The following ARFGEF1 variants were observed in gnomAD, a reference collection of about 807,000 sequenced individuals.
ARFGEF1 encodes ARF guanine nucleotide exchange factor 1.
Under a neutral mutation model 231.0 loss-of-function variants are expected in ARFGEF1, and 42 were observed. The observed-to-expected ratio is 0.18, with a 90% CI of 0.14 to 0.24. The LOEUF is 0.24. ARFGEF1 is among the 10% of genes least tolerant of loss of function. ARFGEF1 has a pLI of 1.00. For synonymous variants in ARFGEF1, 710 were observed against 732.3 expected, an observed-to-expected ratio of 0.97 and a Z score of 0.49; for missense variants, 1,345 against 2,192.0, an observed-to-expected ratio of 0.61 and a Z score of 7.72.
chr8:67,268,777 GA>G (rs1457360487), intron 10 of ARFGEF1, among the ~76,000 whole-genome samples: 1 of 152,124 alleles, frequency 6.6e-6, no homozygotes, highest in Non-Finnish European at 1.5e-5. Context: ...TATTGTCTTT[GA>G]AATACATAGT....
Position 67,227,296 on chromosome 8 carries a change from G to T in ARFGEF1, c.3757C>A (p.Arg1253=). The change falls in exon 27 of 39, where the codon CGA becomes AGA. Residue 1253 remains arginine (R), a synonymous_variant. Transcript: ENST00000262215. ...IMKRNRSPTI[R]DMVVRCIAQM... ...GCTATACACCGTACAACCATATCTCGAATTGTTGGAGACCTAAAAATATTA... is the reference window on the plus strand; with the variant it reads ...GCTATACACCGTACAACCATATCTCTAATTGTTGGAGACCTAAAAATATTA... The T allele has an allele frequency of 6.2e-7, 1 of 1,611,226 alleles. No individual in the cohort carries two copies. The highest frequency in any genetic ancestry group is 8.5e-7 in the Non-Finnish European group (1 of 1,178,286).
intron 33 of ARFGEF1, 98 bp from the exon 34 acceptor site, chr8:67,211,713 CT>C: frequency 1.5e-6 from 1 of 669,158 alleles, no homozygotes; most frequent in Non-Finnish European, 2.2e-6. Flanking sequence ...TATTATGTCC[CT>C]ATGAAAATGA....
rs1230397105 is a variant in ARFGEF1, at chr8:67,304,549, G to A, written c.125-2083C>T. ...TCACTTGAAAATATATGTGTGGGCTGGGCGCAGTGGCTCACACCTATAATC... is the reference window on the plus strand; with the variant it reads ...TCACTTGAAAATATATGTGTGGGCTAGGCGCAGTGGCTCACACCTATAATC... On this transcript the variant is annotated intron_variant, in intron 1 of 38. Coordinates refer to ENST00000262215, the MANE Select transcript of ARFGEF1 (RefSeq NM_006421.5). 2.0e-5 allele frequency among the ~76,000 whole-genome samples: 3 copies of A among 152,222 alleles called. No individual in the cohort carries two copies. The East Asian group carries it at 5.8e-4, about 29-fold the overall frequency.
chr8:67,220,692 C>T (rs922226412), intron 29 of ARFGEF1, among the ~76,000 whole-genome samples: 17 of 152,148 alleles, frequency 1.1e-4, no homozygotes, highest in African/African-American at 4.1e-4. Flanking sequence ...CCATAGTTCC[C>T]TCCTTGCAAT....
chr8:67,222,342 T>G (rs560445292), intron 29 of ARFGEF1, among the ~76,000 whole-genome samples: 2 of 150,842 alleles, frequency 1.3e-5, no homozygotes, highest in East Asian at 3.9e-4. Context: ...CTTGGCTCAC[T>G]GCAACCTCCG....
intron 32 of ARFGEF1, among the ~76,000 whole-genome samples, chr8:67,217,133 C>A (rs560282299): frequency 6.6e-6 from 1 of 151,830 alleles, no homozygotes; most frequent in Non-Finnish European, 1.5e-5. Context: ...GGAGAAACCC[C>A]ATCTCAACTA....
chr8:67,261,774 G>T (rs1481991627), intron 14 of ARFGEF1, among the ~76,000 whole-genome samples: 1 of 151,632 alleles, frequency 6.6e-6, no homozygotes, highest in Non-Finnish European at 1.5e-5. Context: ...CCAAAGCTGG[G>T]ATTACAGGCA....
In ARFGEF1 at chr8:67,204,751, T is replaced by C. The variant is rs1321046312; in HGVS notation, c.4888A>G (p.Thr1630Ala). ...GGGAAGAAGACAATGTTGTCGATAG[T>C]CTGGATGAGTTCCAGCTGCACAACA... is the stretch of plus-strand genomic sequence containing the variant. ...KCVVQLELIQ[T>A]IDNIVFFPAT... Residue 1630 changes from threonine to alanine, a missense_variant, in exon 35 of 39, where the codon ACT becomes GCT. Transcript: ENST00000262215. The C allele has an allele frequency of 1.2e-6, 2 of 1,613,942 alleles. No homozygotes were observed. The highest frequency in any genetic ancestry group is 2.2e-5 in the East Asian group (1 of 44,898).
chr8:67,255,785 G>A (rs982054085), intron 17 of ARFGEF1, among the ~76,000 whole-genome samples: 9 of 152,202 alleles, frequency 5.9e-5, no homozygotes, highest in African/African-American at 1.7e-4. Flanking sequence ...AGTTGCCACC[G>A]CTAGACTAGG....
downstream of ARFGEF1, chr8:67,175,228 T>G: frequency 8.5e-7 from 1 of 1,174,818 alleles, no homozygotes; most frequent in Non-Finnish European, 1.2e-6. Context: ...TTACTTACAG[T>G]GAAGTTTTAC....
At chr8:67,333,392 G>A (rs1220841016) in intron 1 of ARFGEF1, among the ~76,000 whole-genome samples, 1 of 151,324 alleles carries the variant, frequency 6.6e-6, no homozygotes, top group Non-Finnish European at 1.5e-5. Context: ...TCCAGTGGTG[G>A]GATCACAGCT....
At chr8:67,190,748 GGACTA>G in intron 5 of ARFGEF1, 1 of 1,608,802 alleles carries the variant, frequency 6.2e-7, no homozygotes, top group East Asian at 2.2e-5. Flanking sequence ...CAAATGGAAA[GGACTA>G]GACATTGTAT....
chr8:67,243,698 C>T (rs1222588810), intron 19 of ARFGEF1, among the ~76,000 whole-genome samples: 2 of 152,096 alleles, frequency 1.3e-5, no homozygotes, highest in East Asian at 1.9e-4. Context: ...TACTCAAAGC[C>T]CAGACATCAA....
intron 33 of ARFGEF1, among the ~76,000 whole-genome samples, chr8:67,214,040 G>C (rs1242968088): frequency 6.6e-6 from 1 of 152,204 alleles, no homozygotes; most frequent in Non-Finnish European, 1.5e-5. Context: ...GAAGAGTTCT[G>C]AGACACATGA....
At chr8:67,195,497 A>G (rs774627165), downstream of ARFGEF1, 1 of 1,614,198 alleles carries the variant, frequency 6.2e-7, no homozygotes, top group East Asian at 2.2e-5. Flanking sequence ...AAACGCTGAA[A>G]CGTTTCATGG....
Position 67,260,521 on chromosome 8 carries a change from G to A in ARFGEF1, c.2124-595C>T, listed in dbSNP as rs150431172. Among the ~76,000 whole-genome samples the A allele has an allele frequency of 4.9e-3, 752 of 152,170 alleles. 5 individuals are homozygous for A. Among genetic ancestry groups the A allele is most frequent in the Non-Finnish European group, 7.8e-3 (531 of 68,000 alleles). ...TGATGTTGCTATTGTAATTGTTTTGGGGTGACACAAACCACGTCCATATAA... is the reference window on the plus strand; with the variant it reads ...TGATGTTGCTATTGTAATTGTTTTGAGGTGACACAAACCACGTCCATATAA... On this transcript the variant is annotated intron_variant, in intron 14 of 38. Coordinates refer to ENST00000262215, the MANE Select transcript of ARFGEF1 (RefSeq NM_006421.5).
intron 30 of ARFGEF1, among the ~76,000 whole-genome samples, chr8:67,218,536 G>T (rs1839037169): frequency 6.6e-6 from 1 of 151,858 alleles, no homozygotes. Context: ...GTAAGAATTT[G>T]TCCAAATGGG....
chr8:67,223,337 G>A (rs1839265576), intron 29 of ARFGEF1, among the ~76,000 whole-genome samples: 1 of 152,164 alleles, frequency 6.6e-6, no homozygotes, highest in Non-Finnish European at 1.5e-5. Context: ...CTCATGAGCA[G>A]CAGGAACTAG....
At chr8:67,309,715 C>G (rs1429768274) in intron 1 of ARFGEF1, among the ~76,000 whole-genome samples, 1 of 152,198 alleles carries the variant, frequency 6.6e-6, no homozygotes, top group South Asian at 2.1e-4. Flanking sequence ...TCATTAGCAT[C>G]AGAGTCTCAG....
Sources: allele counts gnomAD v4.1 joint callset (sites outside exome capture counted in the v4.1 genomes callset), GRCh38; gene constraint gnomAD v4.1.1; transcripts MANE v1.5; gene names NCBI Gene and HGNC (gene_info 2026-07-23, HGNC 2026-07-21).